Variants in IGF2BP2 observed in about 807,000 individuals in gnomAD.
The protein encoded by IGF2BP2 is insulin-like growth factor 2 mRNA-binding protein 2.
In IGF2BP2, 17 loss-of-function variants were observed where a neutral mutation model predicts 75.8. That is an observed-to-expected ratio of 0.22 (90% CI 0.15 to 0.34). IGF2BP2 has a LOEUF of 0.34. Ranked by LOEUF, IGF2BP2 falls within the 10% of genes least tolerant of loss-of-function variation. IGF2BP2 has a pLI of 1.00. For synonymous variants in IGF2BP2, 288 were observed against 295.6 expected, an observed-to-expected ratio of 0.97 and a Z score of 0.26; for missense variants, 516 against 772.4, an observed-to-expected ratio of 0.67 and a Z score of 3.93.
intron 2 of IGF2BP2, among the ~76,000 whole-genome samples, chr3:185,739,822 C>T (rs1729301491): frequency 6.6e-6 from 1 of 151,816 alleles, no homozygotes; most frequent in Non-Finnish European, 1.5e-5. Flanking sequence ...AATATACCAT[C>T]AAATTATGTC....
At chr3:185,691,426 T>A (rs984638768) in intron 5 of IGF2BP2, among the ~76,000 whole-genome samples, 1 of 152,128 alleles carries the variant, frequency 6.6e-6, no homozygotes, top group Non-Finnish European at 1.5e-5. Context: ...AATGCAAAAT[T>A]AACATTTTGA....
At chr3:185,799,193 A>G (rs1003531992) in intron 2 of IGF2BP2, among the ~76,000 whole-genome samples, 1 of 151,888 alleles carries the variant, frequency 6.6e-6, no homozygotes, top group African/African-American at 2.4e-5. Context: ...TGAGCCCAGG[A>G]GTATGAGACC....
intron 2 of IGF2BP2, among the ~76,000 whole-genome samples, chr3:185,802,831 C>T (rs565781195): frequency 4.0e-4 from 61 of 152,260 alleles, no homozygotes; most frequent in African/African-American, 1.4e-3. Context: ...AAACACTTTC[C>T]TGTTGTTAGA....
chr3:185,813,521 ATTATT>A (rs1353025854), intron 2 of IGF2BP2, among the ~76,000 whole-genome samples: 3 of 152,246 alleles, frequency 2.0e-5, no homozygotes, highest in Non-Finnish European at 4.4e-5. Context: ...GACAGGCCAG[ATTATT>A]TATGTATCCA....
intron 4 of IGF2BP2, among the ~76,000 whole-genome samples, chr3:185,696,046 CA>C (rs1722533432): frequency 6.6e-6 from 1 of 152,180 alleles, no homozygotes; most frequent in African/African-American, 2.4e-5. Flanking sequence ...CTGGGCGTCA[CA>C]AAGTGCTGGG....
intron 5 of IGF2BP2, among the ~76,000 whole-genome samples, chr3:185,691,553 T>C (rs1164655749): frequency 6.6e-6 from 1 of 152,174 alleles, no homozygotes; most frequent in Non-Finnish European, 1.5e-5. Context: ...AATGTGACCA[T>C]AATTCTAGTT....
chr3:185,816,823 A>C (rs1292258911), intron 2 of IGF2BP2, among the ~76,000 whole-genome samples: 1 of 152,250 alleles, frequency 6.6e-6, no homozygotes. Context: ...CCCTGAGATA[A>C]TACTACTACC....
intron 2 of IGF2BP2, among the ~76,000 whole-genome samples, chr3:185,777,777 C>T (rs1187681999): frequency 6.6e-6 from 1 of 152,166 alleles, no homozygotes; most frequent in Non-Finnish European, 1.5e-5. Context: ...CACAGTGGCT[C>T]ACACCTGTAA....
chr3:185,717,443 A>T (rs1725817398), intron 2 of IGF2BP2: 1 of 152,400 alleles, frequency 6.6e-6, no homozygotes, highest in Non-Finnish European at 1.5e-5. Context: ...AAACCTTTGA[A>T]GGAAGAATTT....
chr3:185,704,167 T>C (rs1018633781), intron 2 of IGF2BP2, among the ~76,000 whole-genome samples: 1 of 152,222 alleles, frequency 6.6e-6, no homozygotes, highest in Non-Finnish European at 1.5e-5. Flanking sequence ...GATTTCCTCA[T>C]GTGCATTACC....
intron 5 of IGF2BP2, among the ~76,000 whole-genome samples, chr3:185,690,564 T>C (rs1248371423): frequency 6.6e-6 from 1 of 152,258 alleles, no homozygotes; most frequent in African/African-American, 2.4e-5. Flanking sequence ...TGATCCTTTA[T>C]AGTTAGATAT....
intron 2 of IGF2BP2, among the ~76,000 whole-genome samples, chr3:185,775,637 AT>A (rs1293143083): frequency 6.6e-6 from 1 of 152,186 alleles, no homozygotes; most frequent in Non-Finnish European, 1.5e-5. Flanking sequence ...ATGGCAAAAC[AT>A]AAGACTAATA....
intron 2 of IGF2BP2, among the ~76,000 whole-genome samples, chr3:185,703,504 T>A (rs750504065): frequency 1.3e-5 from 2 of 152,032 alleles, no homozygotes; most frequent in Non-Finnish European, 2.9e-5. Flanking sequence ...AACCATTTCA[T>A]CTGTATTATT....
chr3:185,661,671 C>T (rs1276448156), intron 10 of IGF2BP2, among the ~76,000 whole-genome samples: 1 of 150,952 alleles, frequency 6.6e-6, no homozygotes, highest in African/African-American at 2.4e-5. Flanking sequence ...ATCTGAGCAC[C>T]TACTCTGTGG....
chr3:185,807,593 C>T (rs1194836100), intron 2 of IGF2BP2, among the ~76,000 whole-genome samples: 1 of 152,226 alleles, frequency 6.6e-6, no homozygotes, highest in Non-Finnish European at 1.5e-5. Context: ...CAAGATGGCT[C>T]CCGAAGATTC....
intron 2 of IGF2BP2, among the ~76,000 whole-genome samples, chr3:185,790,039 C>T (rs1239513364): frequency 1.3e-5 from 2 of 152,182 alleles, no homozygotes; most frequent in African/African-American, 2.4e-5. Context: ...CAGCTGCAAC[C>T]AGGAATCTTA....
intron 2 of IGF2BP2, among the ~76,000 whole-genome samples, chr3:185,710,737 T>TA (rs1007093613): frequency 4.4e-4 from 62 of 142,494 alleles, no homozygotes; most frequent in Non-Finnish European, 5.9e-4. Context: ...AGTCTCAAAA[T>TA]AAAAAAAAAA....
intron 2 of IGF2BP2, 79 bp downstream of exon 2, chr3:185,823,074 G>A: frequency 2.3e-6 from 2 of 882,470 alleles, no homozygotes; most frequent in Non-Finnish European, 1.7e-6. Context: ...CCAAGAGCAC[G>A]TTTTTTAAAG....
chr3:185,665,339 AG>A lies in IGF2BP2; in HGVS notation c.1201-6931del, dbSNP rs1416308867. On this transcript the variant is annotated intron_variant, in intron 10 of 15. Transcript: ENST00000382199. ...AAGGAGAAGGAGGAGGAGGAGGAGG[AG>A]GAGAAGGAGGAGGAGGAGAAGGAGG... Among the ~76,000 whole-genome samples, 62 of 133,342 alleles carry A rather than the reference AG, an allele frequency of 4.6e-4. 2 individuals carry two copies. Among genetic ancestry groups the A allele is most frequent in the African/African-American group, 1.7e-3 (59 of 34,842 alleles). 87.5% of individuals were successfully genotyped at this position (133,342 alleles called of 152,430 possible). A position where few individuals can be genotyped will look rare whatever the true frequency, so the allele number is the denominator to read the frequency against.
Sources: allele counts gnomAD v4.1 joint callset (sites outside exome capture counted in the v4.1 genomes callset), GRCh38; gene constraint gnomAD v4.1.1; transcripts MANE v1.5; gene names NCBI Gene and HGNC (gene_info 2026-07-23, HGNC 2026-07-21).